The following TTBK2 variants were observed in gnomAD, a reference collection of about 807,000 sequenced individuals.
The protein encoded by TTBK2 is tau-tubulin kinase 2.
A neutral mutation model predicts 110.8 loss-of-function variants in TTBK2; 28 were observed. The observed-to-expected ratio is 0.25, with a 90% confidence interval of 0.19 to 0.35. The LOEUF is 0.35. TTBK2 is among the 10% of genes least tolerant of loss of function. TTBK2 has a pLI of 1.00. For synonymous variants in TTBK2, 532 were observed against 527.3 expected, an observed-to-expected ratio of 1.01 and a Z score of -0.12; for missense variants, 1,369 against 1,500.3, an observed-to-expected ratio of 0.91 and a Z score of 1.45.
intron 9 of TTBK2, among the ~76,000 whole-genome samples, chr15:42,803,662 T>G (rs1423784124): frequency 1.3e-5 from 2 of 152,112 alleles, no homozygotes; most frequent in African/African-American, 4.8e-5. Context: ...CTTATTGCTG[T>G]GACAGGACAA....
chr15:42,916,138 T>C (rs181239306), intron 1 of TTBK2, among the ~76,000 whole-genome samples: 4 of 152,326 alleles, frequency 2.6e-5, no homozygotes, highest in Non-Finnish European at 4.4e-5. Flanking sequence ...GTTGAATTTT[T>C]TAAGTGCTAG....
intron 14 of TTBK2, among the ~76,000 whole-genome samples, chr15:42,747,153 A>G (rs147542031): frequency 5.3e-5 from 8 of 152,052 alleles, no homozygotes; most frequent in Admixed American, 3.9e-4. Flanking sequence ...TATTTTGTGT[A>G]GAGACGGTTT....
chr15:42,845,607 C>T (rs1893421758), intron 3 of TTBK2, among the ~76,000 whole-genome samples: 1 of 130,290 alleles, frequency 7.7e-6, no homozygotes, highest in African/African-American at 3.0e-5. Flanking sequence ...GCACTCCAGC[C>T]TGGGCGACAG....
chr15:42,901,329 TC>T (rs1316616449), intron 1 of TTBK2, among the ~76,000 whole-genome samples: 1 of 151,004 alleles, frequency 6.6e-6, no homozygotes, highest in Non-Finnish European at 1.5e-5. Context: ...ACCATTGCAC[TC>T]CAGCCTGGGC....
At chr15:42,865,939 T>A (rs2141097157) in intron 3 of TTBK2, among the ~76,000 whole-genome samples, 1 of 152,284 alleles carries the variant, frequency 6.6e-6, no homozygotes, top group African/African-American at 2.4e-5. Flanking sequence ...GGTCTAAATG[T>A]ACCAAATAAA....
intron 1 of TTBK2, among the ~76,000 whole-genome samples, chr15:42,913,839 T>C (rs1367269014): frequency 6.6e-6 from 1 of 152,110 alleles, no homozygotes; most frequent in Non-Finnish European, 1.5e-5. Context: ...GTAAACAAAA[T>C]CATTCCTCGG....
At chr15:42,888,024 C>T (rs766194836) in intron 1 of TTBK2, among the ~76,000 whole-genome samples, 24 of 152,124 alleles carry the variant, frequency 1.6e-4, no homozygotes, top group Non-Finnish European at 3.5e-4. Context: ...ATGGTTAGTG[C>T]GGTCAGAATT....
At chr15:42,919,525 G>A (rs1442321428) in intron 1 of TTBK2, among the ~76,000 whole-genome samples, 1 of 152,178 alleles carries the variant, frequency 6.6e-6, no homozygotes, top group South Asian at 2.1e-4. Context: ...CTCCCTCTGC[G>A]TGTGTGTCTA....
intron 9 of TTBK2, among the ~76,000 whole-genome samples, chr15:42,807,526 C>A (rs1050490691): frequency 1.7e-4 from 26 of 152,032 alleles, no homozygotes. Context: ...CTCCCATCTC[C>A]GTTTCCCAAG....
intron 6 of TTBK2, among the ~76,000 whole-genome samples, chr15:42,823,813 A>G (rs765661693): frequency 5.3e-5 from 8 of 151,848 alleles, no homozygotes; most frequent in Non-Finnish European, 1.2e-4. Flanking sequence ...TCTTCTTCCA[A>G]TGTGGCCCAG....
intron 3 of TTBK2, among the ~76,000 whole-genome samples, chr15:42,851,780 G>C (rs957702795): frequency 2.6e-5 from 4 of 152,038 alleles, no homozygotes; most frequent in African/African-American, 9.7e-5. Context: ...CAGGAAACCG[G>C]TAACAGTAGA....
chr15:42,878,486 T>C, intron 2 of TTBK2, 63 bp downstream of exon 2: 2 of 1,546,984 alleles, frequency 1.3e-6, no homozygotes, highest in Non-Finnish European at 1.7e-6. Context: ...TACCCCCCGA[T>C]ATGTATACAC....
At chr15:42,857,776 T>C (rs1222801059) in intron 3 of TTBK2, among the ~76,000 whole-genome samples, 1 of 152,016 alleles carries the variant, frequency 6.6e-6, no homozygotes, top group Non-Finnish European at 1.5e-5. Flanking sequence ...AAACTTTCTA[T>C]GCTCTAGTAA....
intron 1 of TTBK2, among the ~76,000 whole-genome samples, chr15:42,892,059 T>A (rs2141166853): frequency 6.6e-6 from 1 of 152,304 alleles, no homozygotes; most frequent in South Asian, 2.1e-4. Context: ...ACAAGGAACG[T>A]ACACCAAAAG....
intron 13 of TTBK2, 131 bp from the exon 14 acceptor site, chr15:42,753,378 A>C (rs2061897285): frequency 1.1e-6 from 1 of 929,156 alleles, no homozygotes; most frequent in Non-Finnish European, 1.6e-6. Flanking sequence ...TGCCCAACTT[A>C]TAAGAAAAAT....
At chr15:42,875,485 A>G (rs1372299197) in intron 2 of TTBK2, among the ~76,000 whole-genome samples, 1 of 152,076 alleles carries the variant, frequency 6.6e-6, no homozygotes, top group Non-Finnish European at 1.5e-5. Flanking sequence ...GGTAGAGTCC[A>G]TTTTCCCCTT....
intron 3 of TTBK2, among the ~76,000 whole-genome samples, chr15:42,872,106 A>G (rs990213626): frequency 1.3e-5 from 2 of 152,356 alleles, no homozygotes; most frequent in East Asian, 1.9e-4. Context: ...ACGGACTTCA[A>G]AAATGACGAC....
intron 14 of TTBK2, among the ~76,000 whole-genome samples, chr15:42,749,842 C>G (rs1264672710): frequency 2.0e-5 from 3 of 152,126 alleles, no homozygotes; most frequent in Admixed American, 2.0e-4. Flanking sequence ...GGAAAAAGTA[C>G]AGGCTTAGAA....
At chr15:42,883,523 C>CT (rs1197294956) in intron 1 of TTBK2, among the ~76,000 whole-genome samples, 1 of 151,102 alleles carries the variant, frequency 6.6e-6, no homozygotes, top group Non-Finnish European at 1.5e-5. Flanking sequence ...TGTAATAACT[C>CT]TAAGTAGATG....
Sources: allele counts gnomAD v4.1 joint callset (sites outside exome capture counted in the v4.1 genomes callset), GRCh38; gene constraint gnomAD v4.1.1; transcripts MANE v1.5; gene names NCBI Gene and HGNC (gene_info 2026-07-23, HGNC 2026-07-21).